THEMIS: variants seen among roughly 807,000 people sequenced by gnomAD.
The protein encoded by THEMIS is protein THEMIS.
A neutral mutation model predicts 52.6 loss-of-function variants in THEMIS; 37 were observed. The observed-to-expected ratio is 0.70, with a 90% CI of 0.54 to 0.93. The LOEUF (loss-of-function observed/expected upper bound fraction) is 0.93. Among genes scored for constraint, THEMIS ranks in the 40% least tolerant of loss-of-function variants. The pLI is 0.00. For synonymous variants in THEMIS, 292 were observed against 272.7 expected (o/e 1.07, Z -0.70); for missense variants, 808 against 763.1 (o/e 1.06, Z -0.69).
chr6:127,715,987 G>C (rs1774145491), intron 5 of THEMIS, among the ~76,000 whole-genome samples: 1 of 151,750 alleles, frequency 6.6e-6, no homozygotes, highest in Non-Finnish European at 1.5e-5. Flanking sequence ...AGTGCCTTGG[G>C]TTTCATTTTC....
chr6:127,845,338 A>C (rs893209349), intron 2 of THEMIS, among the ~76,000 whole-genome samples: 1 of 151,944 alleles, frequency 6.6e-6, no homozygotes, highest in African/African-American at 2.4e-5. Flanking sequence ...AGAGCAGGTC[A>C]ATTTTTTTCA....
intron 1 of THEMIS, among the ~76,000 whole-genome samples, chr6:127,884,572 A>C (rs919599565): frequency 2.0e-5 from 3 of 152,176 alleles, no homozygotes; most frequent in East Asian, 1.9e-4. Flanking sequence ...TATTCTACCC[A>C]AAAGGAACAT....
intron 4 of THEMIS, among the ~76,000 whole-genome samples, chr6:127,760,060 A>C (rs1314819198): frequency 6.6e-6 from 1 of 150,842 alleles, no homozygotes; most frequent in Non-Finnish European, 1.5e-5. Flanking sequence ...ATTGATGTAT[A>C]GTGTAAGCTA....
intron 1 of THEMIS, 111 bp from the exon 2 acceptor site, chr6:127,855,299 C>A (rs1316709912): frequency 2.3e-6 from 2 of 870,680 alleles, no homozygotes; most frequent in Admixed American, 6.7e-5. Flanking sequence ...TCTTAGCTAC[C>A]TGCTAAACAG....
At chr6:127,798,416 C>T (rs1777404982) in intron 4 of THEMIS, among the ~76,000 whole-genome samples, 1 of 152,044 alleles carries the variant, frequency 6.6e-6, no homozygotes, top group Admixed American at 6.5e-5. Context: ...AGGTTAGTTA[C>T]ATATGTATAC....
At chr6:127,758,455 A>T (rs1005978019) in intron 4 of THEMIS, among the ~76,000 whole-genome samples, 2 of 148,122 alleles carry the variant, frequency 1.4e-5, no homozygotes, top group African/African-American at 4.9e-5. Flanking sequence ...TATATATTAT[A>T]AATATTTAAT....
chr6:127,713,901 A>G (rs1427121479), intron 5 of THEMIS, among the ~76,000 whole-genome samples: 1 of 151,878 alleles, frequency 6.6e-6, no homozygotes, highest in African/African-American at 2.4e-5. Context: ...TGTGTTGGGA[A>G]TGGACACTAT....
At chr6:127,886,717 G>A (rs1306892843) in intron 1 of THEMIS, among the ~76,000 whole-genome samples, 1 of 152,074 alleles carries the variant, frequency 6.6e-6, no homozygotes, top group Non-Finnish European at 1.5e-5. Context: ...ATGTTGTCAC[G>A]CATCATTGTT....
At chr6:127,879,031 A>G (rs566588983) in intron 1 of THEMIS, among the ~76,000 whole-genome samples, 3 of 152,346 alleles carry the variant, frequency 2.0e-5, no homozygotes, top group East Asian at 3.9e-4. Context: ...GGATTAAAAT[A>G]CTAATTTAAA....
chr6:127,798,758 A>T (rs1777418589), intron 4 of THEMIS, among the ~76,000 whole-genome samples: 1 of 152,124 alleles, frequency 6.6e-6, no homozygotes, highest in Non-Finnish European at 1.5e-5. Flanking sequence ...TGGGAGGCCG[A>T]GGCGGGCGGA....
intron 4 of THEMIS, among the ~76,000 whole-genome samples, chr6:127,772,900 A>G (rs1038558881): frequency 4.6e-5 from 7 of 152,158 alleles, no homozygotes; most frequent in African/African-American, 1.7e-4. Flanking sequence ...TAGAATATTA[A>G]CATTTGTTTA....
chr6:127,897,436 C>T (rs900594798), intron 1 of THEMIS, among the ~76,000 whole-genome samples: 2 of 151,128 alleles, frequency 1.3e-5, no homozygotes, highest in Non-Finnish European at 3.0e-5. Context: ...TAAACTCCAT[C>T]AAATCAATAA....
At chr6:127,781,459 GAGA>G (rs1236867399) in intron 4 of THEMIS, among the ~76,000 whole-genome samples, 4 of 151,968 alleles carry the variant, frequency 2.6e-5, no homozygotes, top group Non-Finnish European at 4.4e-5. Flanking sequence ...TGATCTTTTG[GAGA>G]AGAAGTGTTC....
intron 1 of THEMIS, among the ~76,000 whole-genome samples, chr6:127,881,750 A>C (rs771607336): frequency 6.6e-6 from 1 of 151,858 alleles, no homozygotes. Context: ...GCTTTTTTCT[A>C]CAATAAGGCC....
At chr6:127,905,822 G>A (rs1781254571), upstream of THEMIS, among the ~76,000 whole-genome samples, 1 of 116,864 alleles carries the variant, frequency 8.6e-6, no homozygotes, top group Non-Finnish European at 2.2e-5. Context: ...ACTAAAAATG[G>A]TAAATGAATG....
intron 3 of THEMIS, among the ~76,000 whole-genome samples, chr6:127,818,517 CGT>C (rs899058842): frequency 2.0e-5 from 3 of 148,932 alleles, no homozygotes; most frequent in Admixed American, 6.7e-5. Flanking sequence ...GATAGATAAA[CGT>C]AATATATCAA....
At position 127,756,034 on chromosome 6, in the gene THEMIS, A is replaced by C. The variant is rs144533013; in HGVS notation, c.1759-36211T>G. Among the ~76,000 whole-genome samples the C allele has an allele frequency of 3.4e-3, 519 of 152,166 alleles. 3 individuals are homozygous for C. The highest frequency in any genetic ancestry group is 0.012 in the African/African-American group (481 of 41,518). On this transcript the variant is annotated intron_variant, in intron 4 of 5. Coordinates refer to ENST00000368248, the MANE Select transcript of THEMIS (RefSeq NM_001010923.3). ...AGAGTGAGACTCCATCTCAAAAAAA[A>C]ACACAAAAAACAAAAAACAAAACAA...
At chr6:127,702,618 T>A in the THEMIS span, among the ~76,000 whole-genome samples, 1 of 66,058 alleles carries the variant, frequency 1.5e-5, no homozygotes, top group Admixed American at 1.3e-4. Flanking sequence ...TCTAACCTGT[T>A]TTTTTTTTTT....
At chr6:127,834,951 A>G (rs1411066094) in intron 2 of THEMIS, among the ~76,000 whole-genome samples, 1 of 152,208 alleles carries the variant, frequency 6.6e-6, no homozygotes, top group East Asian at 1.9e-4. Context: ...TCATGTTAAA[A>G]CTTTCTCTCT....
Sources: allele counts gnomAD v4.1 joint callset (sites outside exome capture counted in the v4.1 genomes callset), GRCh38; gene constraint gnomAD v4.1.1; transcripts MANE v1.5; gene names NCBI Gene and HGNC (gene_info 2026-07-23, HGNC 2026-07-21).